ADAMTS17: variants seen among roughly 807,000 people sequenced by gnomAD.
The protein encoded by ADAMTS17 is ADAM metallopeptidase with thrombospondin type 1 motif 17, also known as A disintegrin and metalloproteinase with thrombospondin motifs 17.
In ADAMTS17, 113 loss-of-function variants were observed where a neutral mutation model predicts 141.5. That is an observed-to-expected ratio of 0.80 (90% CI 0.69 to 0.93). ADAMTS17 has a LOEUF of 0.93. Among genes scored for constraint, ADAMTS17 ranks in the 40% least tolerant of loss-of-function variants. The probability of loss-of-function intolerance (pLI) is 0.00; values close to 1 mark genes in which losing one functional copy is unlikely to be tolerated. For synonymous variants in ADAMTS17, 768 were observed against 630.6 expected (o/e 1.22, Z -3.27); for missense variants, 1,659 against 1,517.9 (o/e 1.09, Z -1.54).
intron 8 of ADAMTS17, among the ~76,000 whole-genome samples, chr15:100,179,090 T>A (rs1390604965): frequency 6.6e-6 from 1 of 152,180 alleles, no homozygotes; most frequent in African/African-American, 2.4e-5. Context: ...ACAATCCAAG[T>A]ATACTTTTTT....
chr15:100,271,715 C>A (rs1227863839), intron 4 of ADAMTS17, among the ~76,000 whole-genome samples: 1 of 152,094 alleles, frequency 6.6e-6, no homozygotes, highest in African/African-American at 2.4e-5. Context: ...TCCTTTGAGG[C>A]ACAAGAGTTT....
chr15:100,149,907 G>T (rs951374872), intron 10 of ADAMTS17, among the ~76,000 whole-genome samples: 1 of 152,198 alleles, frequency 6.6e-6, no homozygotes, highest in African/African-American at 2.4e-5. Context: ...CCCACAGTCA[G>T]ATTCCTCTAA....
intron 14 of ADAMTS17, among the ~76,000 whole-genome samples, chr15:100,098,621 C>A (rs1267666112): frequency 1.3e-5 from 2 of 151,716 alleles, no homozygotes; most frequent in Non-Finnish European, 2.9e-5. Flanking sequence ...TGAGATTGCG[C>A]CACTGCACTC....
chr15:100,024,952 G>GCATATAGTCTTTAGTCTTTAGT (rs2061477522), intron 18 of ADAMTS17, among the ~76,000 whole-genome samples: 1 of 152,230 alleles, frequency 6.6e-6, no homozygotes, highest in Non-Finnish European at 1.5e-5. Flanking sequence ...GATGTTGTGT[G>GCATATAGTCTTTAGTCTTTAGT]CTTTAGTCTT....
intron 8 of ADAMTS17, among the ~76,000 whole-genome samples, chr15:100,180,125 C>T (rs2040473884): frequency 6.6e-6 from 1 of 152,154 alleles, no homozygotes; most frequent in Non-Finnish European, 1.5e-5. Context: ...GGAGTGTCTC[C>T]CCACTGTTTT....
chr15:100,341,783 G>T, intron 1 of ADAMTS17, 38 bp downstream of exon 1: 1 of 1,543,752 alleles, frequency 6.5e-7, no homozygotes, highest in Non-Finnish European at 8.7e-7. Flanking sequence ...GGTAGCCGCA[G>T]GACGCGGGGT....
At chr15:100,123,744 G>A (rs752923470) in intron 12 of ADAMTS17, among the ~76,000 whole-genome samples, 6 of 152,154 alleles carry the variant, frequency 3.9e-5, no homozygotes, top group Admixed American at 1.3e-4. Context: ...TGACATAACC[G>A]CTTGGCTGAC....
At chr15:100,080,648 T>A (rs1331882221) in intron 15 of ADAMTS17, among the ~76,000 whole-genome samples, 2 of 152,212 alleles carry the variant, frequency 1.3e-5, no homozygotes, top group African/African-American at 4.8e-5. Flanking sequence ...TACAACCATG[T>A]GACCAGCTGC....
chr15:100,126,938 C>T (rs766054138), intron 12 of ADAMTS17, among the ~76,000 whole-genome samples: 1 of 152,108 alleles, frequency 6.6e-6, no homozygotes, highest in Non-Finnish European at 1.5e-5. Context: ...ACACGTGTAA[C>T]GTAAGGAAGA....
chr15:100,179,261 C>T (rs2040441714), intron 8 of ADAMTS17, among the ~76,000 whole-genome samples: 1 of 152,196 alleles, frequency 6.6e-6, no homozygotes, highest in South Asian at 2.1e-4. Context: ...AACCATCATT[C>T]TACTCTCTAT....
chr15:100,066,824 A>C (rs4371132), intron 15 of ADAMTS17, among the ~76,000 whole-genome samples: 50,472 of 60,052 alleles, frequency 0.84, 22,083 homozygotes, highest in South Asian at 0.95. Context: ...GGCAGCCATC[A>C]TTCTAAGTGT....
At chr15:99,986,818 G>C (rs776998223) in intron 20 of ADAMTS17, among the ~76,000 whole-genome samples, 2 of 152,138 alleles carry the variant, frequency 1.3e-5, no homozygotes, top group African/African-American at 4.8e-5. Flanking sequence ...ACATAGACCC[G>C]GCATTCAGTG....
chr15:100,058,141 C>T (rs933118476), intron 15 of ADAMTS17, among the ~76,000 whole-genome samples: 4 of 150,512 alleles, frequency 2.7e-5, no homozygotes, highest in Non-Finnish European at 6.0e-5. Flanking sequence ...TATCCCAGCA[C>T]TAACACCTCT....
At chr15:100,299,374 T>C (rs991503230) in intron 3 of ADAMTS17, among the ~76,000 whole-genome samples, 1 of 151,638 alleles carries the variant, frequency 6.6e-6, no homozygotes, top group African/African-American at 2.4e-5. Flanking sequence ...CAAGACACAT[T>C]CAGCAAATCC....
chr15:100,081,089 A>G (rs2034704055), intron 15 of ADAMTS17, among the ~76,000 whole-genome samples: 2 of 152,178 alleles, frequency 1.3e-5, no homozygotes, highest in Non-Finnish European at 2.9e-5. Flanking sequence ...GGGCTGGGGA[A>G]GGCAGATCCA....
chr15:100,076,661 C>T (rs997901620), intron 15 of ADAMTS17, among the ~76,000 whole-genome samples: 3 of 152,092 alleles, frequency 2.0e-5, no homozygotes, highest in African/African-American at 7.2e-5. Context: ...TTCGTTAGGA[C>T]ATAGATTTAT....
chr15:100,234,325 T>C (rs1031827469), intron 7 of ADAMTS17, among the ~76,000 whole-genome samples: 1 of 152,206 alleles, frequency 6.6e-6, no homozygotes, highest in Non-Finnish European at 1.5e-5. Context: ...CCAAATGCTT[T>C]ACGTTCGTTC....
At chr15:100,020,794 C>T (rs77531222) in intron 18 of ADAMTS17, among the ~76,000 whole-genome samples, 1 of 152,170 alleles carries the variant, frequency 6.6e-6, no homozygotes, top group Non-Finnish European at 1.5e-5. Flanking sequence ...CAGTGGCTGG[C>T]GTTCGGCTGT....
chr15:100,282,406 C>T (rs376489652), intron 3 of ADAMTS17, among the ~76,000 whole-genome samples: 6 of 152,254 alleles, frequency 3.9e-5, no homozygotes, highest in African/African-American at 1.2e-4. Flanking sequence ...ATCCCTGAAA[C>T]CACAGACAGT....
Sources: gnomAD v4.1 joint callset for allele counts (sites outside exome capture counted in the v4.1 genomes callset) on GRCh38, gnomAD v4.1.1 for gene constraint, MANE v1.5 for transcripts, NCBI Gene and HGNC (gene_info 2026-07-23, HGNC 2026-07-21) for gene names.